The following LYSMD1 variants were observed in gnomAD, a reference collection of about 807,000 sequenced individuals.
The protein encoded by LYSMD1 is LysM domain containing 1.
LYSMD1 carries 9 observed loss-of-function variants against 19.3 expected under a neutral mutation model. The ratio of observed to expected loss-of-function variants is 0.47; its 90% CI spans 0.28 to 0.81. The LOEUF is 0.81. Among genes scored for constraint, LYSMD1 ranks in the 40% least tolerant of loss-of-function variants. The probability of loss-of-function intolerance (pLI) is 0.11; values close to 1 mark genes in which losing one functional copy is unlikely to be tolerated. For synonymous variants in LYSMD1, 111 were observed against 111.7 expected, an observed-to-expected ratio of 0.99 and a Z score of 0.04; for missense variants, 262 against 279.8, an observed-to-expected ratio of 0.94 and a Z score of 0.45.
Position 151,160,990 on chromosome 1 carries a change from C to T in LYSMD1, c.576G>A (p.Leu192=). The T allele has an allele frequency of 6.2e-7, 1 of 1,614,126 alleles. No homozygotes were observed. Among genetic ancestry groups the T allele is most frequent in the Non-Finnish European group, 8.5e-7 (1 of 1,180,014 alleles). ...CTCGTTGCTGCATCCAAGGGGAGCT[C>T]AGGTGGAGACCTGCATCCTCCCCAG... is the stretch of plus-strand genomic sequence containing the variant. ...GVPGEDAGLH[L]SSPWMQQRAV... The change falls in exon 3 of 3, where the codon CTG becomes CTA. Residue 192 remains leucine (L), a synonymous_variant. Transcript: ENST00000368908.
At chr1:151,152,760 C>T in the LYSMD1 span, among the ~76,000 whole-genome samples, 16 of 152,138 alleles carry the variant, frequency 1.1e-4, no homozygotes, top group African/African-American at 3.4e-4. Flanking sequence ...CTATCTCCAG[C>T]TATGTCAGGC....
downstream of LYSMD1, among the ~76,000 whole-genome samples, chr1:151,157,230 C>T (rs1683254831): frequency 6.6e-6 from 1 of 152,182 alleles, no homozygotes; most frequent in African/African-American, 2.4e-5. Flanking sequence ...AGCCCCAAGG[C>T]AAGCTGGGAG....
downstream of LYSMD1, chr1:151,158,954 T>C (rs1558199047): frequency 1.2e-6 from 2 of 1,614,272 alleles, no homozygotes; most frequent in Middle Eastern, 1.6e-4. Context: ...GAGCTGGCCC[T>C]GGCTACCCGC....
intron 1 of LYSMD1, among the ~76,000 whole-genome samples, chr1:151,163,980 C>T (rs587757267): frequency 6.6e-6 from 1 of 151,828 alleles, no homozygotes; most frequent in South Asian, 2.1e-4. Context: ...CGCAACCTCC[C>T]CCTCCTGGGT....
chr1:151,163,518 TTTTC>T (rs1050854863), intron 1 of LYSMD1, among the ~76,000 whole-genome samples: 32 of 152,002 alleles, frequency 2.1e-4, no homozygotes, highest in South Asian at 1.5e-3. Context: ...TGTATTCGTA[TTTTC>T]TTTCTTTCTT....
Position 151,165,079 on chromosome 1 carries a change from C to A in LYSMD1, c.180G>T (p.Thr60=). 6.2e-7 allele frequency: 1 copy of A among 1,613,124 alleles called. No individual in the cohort carries two copies. The highest frequency in any genetic ancestry group is 8.5e-7 in the Non-Finnish European group (1 of 1,179,298). The change falls in exon 1 of 3, where the codon ACG becomes ACT. Residue 60 remains threonine (T), a splice_region_variant and synonymous_variant. Transcript: ENST00000368908. ...TTCACCCCAATCCTGGAAAACTCACCGTCACCCCATATTTGAGTGCTAGTC... is the reference window on the plus strand; with the variant it reads ...TTCACCCCAATCCTGGAAAACTCACAGTCACCCCATATTTGAGTGCTAGTC... ...LAGLALKYGV[T]MEQIKRANRL...
At chr1:151,151,178 G>A in the LYSMD1 span, among the ~76,000 whole-genome samples, 2 of 151,886 alleles carry the variant, frequency 1.3e-5, no homozygotes, top group Non-Finnish European at 2.9e-5. Flanking sequence ...AAAACCAACA[G>A]TTACAATAAA....
At chr1:151,159,494 G>C (rs746972437), downstream of LYSMD1, 1 of 469,948 alleles carries the variant, frequency 2.1e-6, no homozygotes, top group Non-Finnish European at 4.0e-6. Flanking sequence ...AGAACTGCCT[G>C]AAAAAGGTGA....
At chr1:151,158,830 G>A (rs1683325505), downstream of LYSMD1, 1 of 1,614,156 alleles carries the variant, frequency 6.2e-7, no homozygotes, top group African/African-American at 1.3e-5. Context: ...GCTCTACCGT[G>A]TGTCCAAGGA....
At chr1:151,161,443 G>A (rs1338523937) in intron 2 of LYSMD1, among the ~76,000 whole-genome samples, 2 of 151,530 alleles carry the variant, frequency 1.3e-5, no homozygotes, top group East Asian at 3.9e-4. Flanking sequence ...CTTGCAGTGA[G>A]CCAAGATCGC....
chr1:151,152,679 G>A, the LYSMD1 span, among the ~76,000 whole-genome samples: 67 of 152,252 alleles, frequency 4.4e-4, 1 homozygote, highest in South Asian at 2.1e-4. Context: ...CAGCCTGGGC[G>A]ACAGTGTGAG....
Position 151,165,364 on chromosome 1 carries a change from C to T in LYSMD1, c.-106G>A. The T allele has an allele frequency of 1.3e-6, 2 of 1,503,964 alleles. No individual in the cohort carries two copies. The highest frequency in any genetic ancestry group is 1.8e-6 in the Non-Finnish European group (2 of 1,127,478). 93.2% of individuals were successfully genotyped at this position (1,503,964 alleles called of 1,614,324 possible). A position where few individuals can be genotyped will look rare whatever the true frequency, so the allele number is the denominator to read the frequency against. ...ATGAATATTCAGGGGATTCCTTTCC[C>T]CCTCTCTCTTCCCCTGTGTCCCCGC... On this transcript the variant is annotated 5_prime_UTR_variant, in exon 1 of 3. Coordinates refer to ENST00000368908, the MANE Select transcript of LYSMD1 (RefSeq NM_212551.5).
chr1:151,163,476 T>G (rs1462791622), intron 1 of LYSMD1, among the ~76,000 whole-genome samples: 1 of 152,144 alleles, frequency 6.6e-6, no homozygotes, highest in African/African-American at 2.4e-5. Context: ...TTATCATAAT[T>G]AGATAATGAA....
intron 1 of LYSMD1, among the ~76,000 whole-genome samples, chr1:151,163,470 C>T (rs767748606): frequency 2.6e-5 from 4 of 152,094 alleles, no homozygotes; most frequent in South Asian, 2.1e-4. Context: ...TAATTATTAT[C>T]ATAATTAGAT....
chr1:151,151,930 A>T, the LYSMD1 span, among the ~76,000 whole-genome samples: 1 of 134,822 alleles, frequency 7.4e-6, no homozygotes, highest in Non-Finnish European at 1.6e-5. Context: ...ACTCCATCTT[A>T]AAAAAAAAAA....
downstream of LYSMD1, among the ~76,000 whole-genome samples, chr1:151,156,908 C>T (rs767052030): frequency 6.6e-6 from 1 of 151,990 alleles, no homozygotes; most frequent in East Asian, 1.9e-4. Context: ...GTTTTGGATG[C>T]GGTGGGGGCA....
In LYSMD1 at chr1:151,159,879, T is replaced by G. The variant is rs990696401; in HGVS notation, c.*1003A>C. ...ACAGGAGACTGAGGCAGATTTCCAT[T>G]ATTACTGAGGTTCCCTTACCTACTT... is the stretch of plus-strand genomic sequence containing the variant. On this transcript the variant is annotated 3_prime_UTR_variant, in exon 3 of 3. Coordinates refer to ENST00000368908, the MANE Select transcript of LYSMD1 (RefSeq NM_212551.5). 6.0e-6 allele frequency: 1 copy of G among 166,872 alleles called. No homozygotes were observed. The highest frequency in any genetic ancestry group is 6.5e-5 in the Admixed American group (1 of 15,300). The allele number at this position is 166,872 out of a possible 1,614,324, so 10.3% of individuals were successfully genotyped here.
the LYSMD1 span, among the ~76,000 whole-genome samples, chr1:151,153,931 C>T: frequency 3.4e-5 from 5 of 148,526 alleles, no homozygotes; most frequent in African/African-American, 1.0e-4. Context: ...CCACCCTGGG[C>T]GACAGAGTGA....
chr1:151,156,100 C>CAAAAAAAAAAAAAAAAA (rs751524835), downstream of LYSMD1, among the ~76,000 whole-genome samples: 1 of 38,124 alleles, frequency 2.6e-5, no homozygotes, highest in African/African-American at 7.8e-5. Context: ...AACTCTGTCT[C>CAAAAAAAAAAAAAAAAA]AAAAAAAAAA....
Sources: gnomAD v4.1 joint callset for allele counts (sites outside exome capture counted in the v4.1 genomes callset) on GRCh38, gnomAD v4.1.1 for gene constraint, MANE v1.5 for transcripts, NCBI Gene and HGNC (gene_info 2026-07-23, HGNC 2026-07-21) for gene names.